The following RASA3 variants were observed in gnomAD, a reference collection of about 807,000 sequenced individuals.
RASA3 encodes ras GTPase-activating protein 3.
In RASA3, 73 loss-of-function variants were observed where a neutral mutation model predicts 110.0. The ratio of observed to expected loss-of-function variants is 0.66; its 90% CI spans 0.55 to 0.81. The LOEUF is 0.81. Ranked by LOEUF, RASA3 falls within the 30% of genes least tolerant of loss-of-function variation. The pLI is 0.00. For missense variants in RASA3, 976 were observed against 1,113.2 expected (o/e 0.88, Z 1.75); for synonymous variants, 500 against 451.4 (o/e 1.11, Z -1.37).
At chr13:114,124,235 A>G (rs959019552) in intron 1 of RASA3, among the ~76,000 whole-genome samples, 1 of 152,216 alleles carries the variant, frequency 6.6e-6, no homozygotes, top group African/African-American at 2.4e-5. Context: ...CTTATTTGAA[A>G]ACGAAAACTA....
chr13:114,089,075 C>G (rs1033996931), intron 1 of RASA3, among the ~76,000 whole-genome samples: 1 of 152,100 alleles, frequency 6.6e-6, no homozygotes, highest in Non-Finnish European at 1.5e-5. Flanking sequence ...CCTGGTGGAG[C>G]TCCCCTCAAG....
intron 2 of RASA3, among the ~76,000 whole-genome samples, chr13:114,059,767 T>C (rs547641026): frequency 1.8e-3 from 276 of 152,362 alleles, no homozygotes; most frequent in African/African-American, 6.2e-3. Flanking sequence ...TTCGATGTCT[T>C]TGGCCCCCGC....
chr13:114,000,962 C>T (rs758363639), intron 18 of RASA3, 30 bp from the exon 19 acceptor site: 27 of 1,491,480 alleles, frequency 1.8e-5, no homozygotes, highest in Middle Eastern at 1.7e-4. Flanking sequence ...GGCCGGGGTC[C>T]GGGCCTCAGC....
At position 114,030,256 on chromosome 13, in the gene RASA3, A is replaced by T. The variant is rs141627851; in HGVS notation, c.373-369T>A. 3.5e-3 allele frequency among the ~76,000 whole-genome samples: 539 copies of T among 152,286 alleles called. 1 individual carries two copies. Among genetic ancestry groups the T allele is most frequent in the Non-Finnish European group, 6.9e-3 (470 of 68,030 alleles). On this transcript the variant is annotated intron_variant, in intron 4 of 23. Coordinates refer to ENST00000334062, the MANE Select transcript of RASA3 (RefSeq NM_007368.4). ...TCGTGTGTCCGTCGGGACAAACCAG[A>T]GGGGAAGCACAGCTGTCTCCCAAGC...
chr13:114,132,401 G>C (rs2080534374), intron 1 of RASA3, 34 bp downstream of exon 1: 1 of 1,497,612 alleles, frequency 6.7e-7, no homozygotes, highest in Non-Finnish European at 8.9e-7. Context: ...GTCGGGCCGG[G>C]GGGTCGGACG....
chr13:114,083,381 G>T (rs563310161), intron 1 of RASA3, among the ~76,000 whole-genome samples: 3 of 152,200 alleles, frequency 2.0e-5, no homozygotes, highest in African/African-American at 4.8e-5. Context: ...GATTTCAAGC[G>T]ACCAGTGTGG....
At position 113,979,340 on chromosome 13, in the gene RASA3, G is replaced by A. The variant is rs763846693; in HGVS notation, c.*7C>T. 108 of 1,584,122 alleles carry A rather than the reference G, an allele frequency of 6.8e-5. No individual in the cohort carries two copies. The Admixed American group carries it at 1.3e-3, about 19-fold the overall frequency. The stretch of plus-strand genomic sequence containing the variant: ...TTGCTGGCGCCACTGGGCGCGTCCC[G>A]CAGACTTTAAATGGAATGAGTGGAG... On this transcript the variant is annotated 3_prime_UTR_variant, in exon 24 of 24. Coordinates refer to ENST00000334062, the MANE Select transcript of RASA3 (RefSeq NM_007368.4).
rs547302081 is a variant in RASA3, at chr13:114,051,907, C to G, written c.277+145G>C. On this transcript the variant is annotated intron_variant, in intron 3 of 23. Transcript: ENST00000334062. Reference sequence around the variant, plus strand: ...GCCAGGCCAGATCCCAAGAGCAGATCAGGAGGAACACCCAGGGCTGCTGTG... The same window carrying G: ...GCCAGGCCAGATCCCAAGAGCAGATGAGGAGGAACACCCAGGGCTGCTGTG... 68 of 601,948 alleles carry G rather than the reference C, an allele frequency of 1.1e-4. No individual in the cohort carries two copies. The South Asian group carries it at 1.3e-3, about 11-fold the overall frequency. 37.3% of individuals were successfully genotyped at this position (601,948 alleles called of 1,614,324 possible). A position where few individuals can be genotyped will look rare whatever the true frequency, so the allele number is the denominator to read the frequency against.
chr13:114,109,251 G>A (rs990762965), intron 1 of RASA3, among the ~76,000 whole-genome samples: 69 of 152,324 alleles, frequency 4.5e-4, no homozygotes, highest in Non-Finnish European at 5.3e-4. Flanking sequence ...TGGCACTTGT[G>A]TGAACGGCGA....
intron 1 of RASA3, among the ~76,000 whole-genome samples, chr13:114,101,149 C>T (rs568116919): frequency 7.0e-4 from 106 of 152,210 alleles, no homozygotes; most frequent in Middle Eastern, 3.4e-3. Context: ...TCCCGGCCAA[C>T]GGCAGCCACC....
intron 1 of RASA3, among the ~76,000 whole-genome samples, chr13:114,102,571 A>G (rs987851233): frequency 2.0e-5 from 3 of 152,192 alleles, no homozygotes; most frequent in African/African-American, 4.8e-5. Flanking sequence ...ACAAACTCTC[A>G]GGAACCATCA....
At chr13:114,123,153 T>C (rs2080401652) in intron 1 of RASA3, among the ~76,000 whole-genome samples, 1 of 152,068 alleles carries the variant, frequency 6.6e-6, no homozygotes, top group Non-Finnish European at 1.5e-5. Flanking sequence ...GAAACATGTG[T>C]CCTGCACAGT....
At chr13:114,055,968 G>A (rs1388757284) in intron 2 of RASA3, among the ~76,000 whole-genome samples, 5 of 152,258 alleles carry the variant, frequency 3.3e-5, no homozygotes, top group African/African-American at 9.6e-5. Flanking sequence ...AGCTGCCAGA[G>A]AATGGAACGG....
chr13:114,013,170 T>C lies in RASA3; in HGVS notation c.1484A>G (p.Asn495Ser), dbSNP rs773691761. The change falls in exon 15 of 24, where the codon AAC becomes AGC. Residue 495 changes from asparagine to serine, a missense_variant. By Grantham distance (46) the Asn-to-Ser change is conservative (BLOSUM62 1). This residue lies in a region of RASA3 where 732 missense variants were observed against 779.7 expected (regional missense o/e 0.94). Transcript: ENST00000334062. The stretch of plus-strand genomic sequence containing the variant: ...GTGGTGCGGCGTGAGCTGGAAGAGG[T>C]TGGGGGAGAGAATGGCGGGCGCAAA... ...RFFAPAILSP[N>S]LFQLTPHHTD... The C allele has an allele frequency of 1.7e-5, 27 of 1,613,138 alleles. No individual in the cohort carries two copies. In the African/African-American group the frequency reaches 2.0e-4, roughly 12 times the overall value.
intron 2 of RASA3, among the ~76,000 whole-genome samples, chr13:114,069,472 T>TG: frequency 1.9e-5 from 1 of 53,628 alleles, no homozygotes; most frequent in African/African-American, 8.3e-5. Flanking sequence ...GCTGGGAGAC[T>TG]CGGGGGCCGG....
intron 3 of RASA3, among the ~76,000 whole-genome samples, chr13:114,046,016 T>C (rs189311354): frequency 5.7e-4 from 87 of 152,386 alleles, no homozygotes; most frequent in African/African-American, 2.0e-3. Flanking sequence ...AATTAATCTA[T>C]AGATCAATGT....
rs958775086 is a variant in RASA3 at position 114,001,000 on chromosome 13, A to AC, written c.1743-69dup. 53 of 1,003,094 alleles carry AC rather than the reference A, an allele frequency of 5.3e-5. No homozygotes were observed. In the African/African-American group the frequency reaches 7.8e-4, roughly 15 times the overall value. The allele number at this position is 1,003,094 out of a possible 1,614,324, so 62.1% of individuals were successfully genotyped here. A position where few individuals can be genotyped will look rare whatever the true frequency, so the allele number is the denominator to read the frequency against. ...CCTCCCTGCACAGGTGAAAAACCAC[A>AC]CCCCCCACTTTCTGCGTTCTGAGAC... On this transcript the variant is annotated intron_variant, in intron 18 of 23. Transcript: ENST00000334062.
chr13:114,057,350 C>T lies in RASA3; in HGVS notation c.174-5195G>A, dbSNP rs1399526850. ...CCAACCACTGTGACCAAGCTTCATT[C>T]CCACGAGCTGGACGAGCAGAAGGCA... On this transcript the variant is annotated intron_variant, in intron 2 of 23. Coordinates refer to ENST00000334062, the MANE Select transcript of RASA3 (RefSeq NM_007368.4). This position sits in a 1 kb window ranked among gnomAD's most constrained non-coding sequence, Gnocchi z 5.0. The T allele has an allele frequency of 1.0e-6, 1 of 985,286 alleles. No homozygotes were observed. The highest frequency in any genetic ancestry group is 1.2e-6 in the Non-Finnish European group (1 of 829,940). The allele number at this position is 985,286 out of a possible 1,614,324, so 61.0% of individuals were successfully genotyped here. A position where few individuals can be genotyped will look rare whatever the true frequency, so the allele number is the denominator to read the frequency against.
chr13:114,068,013 A>G (rs967283479), intron 2 of RASA3, among the ~76,000 whole-genome samples: 1 of 152,238 alleles, frequency 6.6e-6, no homozygotes, highest in Admixed American at 6.5e-5. Flanking sequence ...TTTTTTAAAC[A>G]AAAGAACTTT....
Sources: allele counts gnomAD v4.1 joint callset (sites outside exome capture counted in the v4.1 genomes callset), GRCh38; gene constraint gnomAD v4.1.1; regional missense constraint gnomAD v4.1.1; non-coding constraint Gnocchi (gnomAD v3.1); transcripts MANE v1.5; gene names NCBI Gene and HGNC (gene_info 2026-07-23, HGNC 2026-07-21).